The following SCARA5 variants were observed in gnomAD, a reference collection of about 807,000 sequenced individuals.
SCARA5 encodes scavenger receptor class A, member 5 (putative).
In SCARA5, 45 loss-of-function variants were observed where a neutral mutation model predicts 46.3. That is an observed-to-expected ratio of 0.97 (90% CI 0.76 to 1.24). The LOEUF (loss-of-function observed/expected upper bound fraction) is 1.24, where lower values mean the gene tolerates loss of function less well. Ranked by LOEUF, SCARA5 falls within the 50% of genes most tolerant of loss-of-function variation. The pLI is 0.00. For missense variants in SCARA5, 680 were observed against 689.0 expected (o/e 0.99, Z 0.15); for synonymous variants, 333 against 306.5 (o/e 1.09, Z -0.90).
rs983110274 is a variant in SCARA5 at position 27,871,726 on chromosome 8, C to A, written c.*208G>T. 7.4e-5 allele frequency: 104 copies of A among 1,409,102 alleles called. No homozygotes were observed. In the Middle Eastern group the frequency reaches 2.4e-3, roughly 32 times the overall value. The allele number at this position is 1,409,102 out of a possible 1,614,324, so 87.3% of individuals were successfully genotyped here. ...GAACCTGGTGGAAGAGAGAGACGGG[C>A]AGTAGGTCCCAGAGTTATACTTCGG... On this transcript the variant is annotated 3_prime_UTR_variant, in exon 9 of 9. Coordinates refer to ENST00000354914, the MANE Select transcript of SCARA5 (RefSeq NM_173833.6).
intron 5 of SCARA5, chr8:27,909,115 G>C (rs577227715): frequency 6.6e-6 from 1 of 152,392 alleles, no homozygotes; most frequent in South Asian, 2.1e-4. Flanking sequence ...GAAGAACCTT[G>C]TCTTTCTAGA....
At chr8:27,953,480 T>A (rs1585510820) in intron 3 of SCARA5, among the ~76,000 whole-genome samples, 1 of 152,236 alleles carries the variant, frequency 6.6e-6, no homozygotes, top group East Asian at 1.9e-4. Context: ...CTCCATAAAG[T>A]GGATCTTATA....
chr8:27,876,246 G>A (rs1374072118), intron 8 of SCARA5, among the ~76,000 whole-genome samples: 3 of 152,198 alleles, frequency 2.0e-5, no homozygotes, highest in Non-Finnish European at 2.9e-5. Context: ...GCTTAGAGAG[G>A]GTAGGGAATC....
At chr8:27,914,327 C>A (rs1807426322) in intron 4 of SCARA5, among the ~76,000 whole-genome samples, 1 of 152,216 alleles carries the variant, frequency 6.6e-6, no homozygotes, top group African/African-American at 2.4e-5. Context: ...GACGAATACA[C>A]CCACCCTTCT....
intron 3 of SCARA5, among the ~76,000 whole-genome samples, chr8:27,952,268 C>T (rs1808140405): frequency 6.6e-6 from 1 of 152,082 alleles, no homozygotes; most frequent in South Asian, 2.1e-4. Context: ...TTTGCTCGTG[C>T]CTTTTTTGGA....
At chr8:27,962,710 C>A (rs1203925766) in intron 3 of SCARA5, among the ~76,000 whole-genome samples, 2 of 152,240 alleles carry the variant, frequency 1.3e-5, no homozygotes, top group Non-Finnish European at 2.9e-5. Flanking sequence ...CCCAACCATT[C>A]CAGCCCTCAG....
At chr8:27,907,273 A>C (rs555457897) in intron 5 of SCARA5, 27 bp from the exon 6 acceptor site, 1 of 1,551,384 alleles carries the variant, frequency 6.4e-7, no homozygotes, top group East Asian at 2.3e-5. Context: ...CAAATGGCAG[A>C]GCCTCAGATG....
intron 1 of SCARA5, among the ~76,000 whole-genome samples, chr8:27,987,842 A>C (rs919541245): frequency 1.3e-5 from 2 of 152,160 alleles, no homozygotes; most frequent in Admixed American, 1.3e-4. Context: ...CAGCTTCCTC[A>C]GGGCTTCAGA....
intron 3 of SCARA5, among the ~76,000 whole-genome samples, chr8:27,925,759 A>G (rs1563528466): frequency 6.6e-6 from 1 of 152,192 alleles, no homozygotes; most frequent in Non-Finnish European, 1.5e-5. Flanking sequence ...AAGAAAAAAA[A>G]CAAACCACCC....
Position 27,922,227 on chromosome 8 carries a change from G to T in SCARA5, c.260C>A (p.Ser87Tyr), listed in dbSNP as rs1307755601. 6.4e-7 allele frequency: 1 copy of T among 1,573,238 alleles called. No homozygotes were observed. The highest frequency in any genetic ancestry group is 1.8e-5 in the Admixed American group (1 of 56,192). The change falls in exon 4 of 9, where the codon TCC becomes TAC. Residue 87 changes from serine (S) to tyrosine (Y), a missense_variant. Ser to Tyr is a moderately radical substitution (Grantham distance 144). Around this residue, in one of 3 missense-constraint regions of SCARA5, gnomAD observed 438 missense variants for 384.5 expected, o/e 1.14. Transcript: ENST00000354914. The part of the protein sequence containing the change: ...FILAVSRPRS[S>Y]PDDLKALTRN... ...AGTCAGGGCCTTCAGGTCGTCAGGGGAGCTGCGCGGCCTGGACACTGCGGA... is the reference window on the plus strand; with the variant it reads ...AGTCAGGGCCTTCAGGTCGTCAGGGTAGCTGCGCGGCCTGGACACTGCGGA...
chr8:27,954,336 T>G (rs1808175786), intron 3 of SCARA5, among the ~76,000 whole-genome samples: 1 of 151,938 alleles, frequency 6.6e-6, no homozygotes, highest in African/African-American at 2.4e-5. Flanking sequence ...CCAACAACAT[T>G]AAGGAAATTG....
chr8:27,965,545 T>C (rs1808356566), intron 3 of SCARA5, among the ~76,000 whole-genome samples: 1 of 152,156 alleles, frequency 6.6e-6, no homozygotes, highest in African/African-American at 2.4e-5. Flanking sequence ...CCTCAGTTCC[T>C]AGGCTGGGAG....
intron 3 of SCARA5, among the ~76,000 whole-genome samples, chr8:27,940,007 T>C (rs1319552587): frequency 6.6e-6 from 1 of 152,226 alleles, no homozygotes; most frequent in Non-Finnish European, 1.5e-5. Context: ...CCCATGAGGC[T>C]GTAATCTGAA....
rs1042697376 is a variant in SCARA5 at position 27,960,325 on chromosome 8, T to C, written c.241+6089A>G. On this transcript the variant is annotated intron_variant, in intron 3 of 8. Coordinates refer to ENST00000354914, the MANE Select transcript of SCARA5 (RefSeq NM_173833.6). The stretch of plus-strand genomic sequence containing the variant: ...CTGAGTAGCTGGGACTACAGGTACA[T>C]ATCACTATACCTGGCTCATTTTTTA... Among the ~76,000 whole-genome samples the C allele has an allele frequency of 2.6e-5, 4 of 152,050 alleles. No homozygotes were observed. The East Asian group carries it at 7.7e-4, about 29-fold the overall frequency.
intron 3 of SCARA5, among the ~76,000 whole-genome samples, chr8:27,960,406 G>T (rs1390775450): frequency 6.6e-6 from 1 of 152,086 alleles, no homozygotes; most frequent in Non-Finnish European, 1.5e-5. Flanking sequence ...CAAACTTTTA[G>T]GCTCAAGCAA....
chr8:27,903,579 C>T (rs541180430), intron 7 of SCARA5: 2 of 152,366 alleles, frequency 1.3e-5, no homozygotes, highest in East Asian at 3.9e-4. Flanking sequence ...ATGGCATATG[C>T]TCTATTTGTT....
intron 3 of SCARA5, among the ~76,000 whole-genome samples, chr8:27,960,489 G>A (rs922843410): frequency 2.6e-5 from 4 of 152,110 alleles, no homozygotes; most frequent in East Asian, 3.8e-4. Context: ...GAGTACTTAC[G>A]TGCCAGGCAG....
intron 3 of SCARA5, among the ~76,000 whole-genome samples, chr8:27,948,757 C>T (rs117127829): frequency 1.3e-5 from 2 of 152,214 alleles, no homozygotes; most frequent in Non-Finnish European, 2.9e-5. Flanking sequence ...CAGCCCCAAA[C>T]GCCTAGTTAA....
At chr8:27,885,491 G>A (rs1376649171) in intron 7 of SCARA5, among the ~76,000 whole-genome samples, 1 of 152,178 alleles carries the variant, frequency 6.6e-6, no homozygotes, top group Admixed American at 6.5e-5. Flanking sequence ...AGGGCCCGGT[G>A]CACTGAGATA....
Sources: gnomAD v4.1 joint callset for allele counts (sites outside exome capture counted in the v4.1 genomes callset) on GRCh38, gnomAD v4.1.1 for gene constraint, gnomAD v4.1.1 regional missense constraint, MANE v1.5 for transcripts, NCBI Gene and HGNC (gene_info 2026-07-23, HGNC 2026-07-21) for gene names.